The following SHROOM3 variants were observed in gnomAD, a reference collection of about 807,000 sequenced individuals.
The protein encoded by SHROOM3 is protein Shroom3.
SHROOM3 carries 47 observed loss-of-function variants against 138.6 expected under a neutral mutation model. That is an observed-to-expected ratio of 0.34 (90% CI 0.27 to 0.43). SHROOM3 has a LOEUF of 0.43. Among genes scored for constraint, SHROOM3 ranks in the 20% least tolerant of loss-of-function variants. SHROOM3 has a pLI of 1.00. For missense variants in SHROOM3, 2,491 were observed against 2,596.5 expected, an observed-to-expected ratio of 0.96 and a Z score of 0.88; for synonymous variants, 1,062 against 1,063.3, an observed-to-expected ratio of 1.00 and a Z score of 0.02.
In SHROOM3 at chr4:76,634,431, T is replaced by C. The variant is rs1021776650; in HGVS notation, c.324-75725T>C. On this transcript the variant is annotated intron_variant, in intron 2 of 10. Coordinates refer to ENST00000296043, the MANE Select transcript of SHROOM3 (RefSeq NM_020859.4). ...GCCAACAGCATGCAGCATTTTATTA[T>C]GGTGATGCAGCTTTAATTGGTATGT... Among the ~76,000 whole-genome samples the C allele has an allele frequency of 7.2e-5, 11 of 152,316 alleles. 2 individuals are homozygous for C. The South Asian group carries it at 2.1e-3, about 29-fold the overall frequency.
At chr4:76,512,854 G>T (rs1290383854) in intron 1 of SHROOM3, among the ~76,000 whole-genome samples, 1 of 152,132 alleles carries the variant, frequency 6.6e-6, no homozygotes, top group Non-Finnish European at 1.5e-5. Flanking sequence ...GAGGAACTAG[G>T]GTAGAAAATG....
At chr4:76,757,446 T>C (rs1721854527) in intron 8 of SHROOM3, among the ~76,000 whole-genome samples, 1 of 152,146 alleles carries the variant, frequency 6.6e-6, no homozygotes, top group Non-Finnish European at 1.5e-5. Flanking sequence ...TCAGAGCTGC[T>C]CTGGCAGAGA....
chr4:76,512,580 GA>G (rs1164590978), intron 1 of SHROOM3, among the ~76,000 whole-genome samples: 1 of 152,144 alleles, frequency 6.6e-6, no homozygotes, highest in African/African-American at 2.4e-5. Flanking sequence ...GACAAGGAGG[GA>G]AAATGTTTTA....
At chr4:76,493,040 G>A (rs547942235) in intron 1 of SHROOM3, among the ~76,000 whole-genome samples, 1 of 152,142 alleles carries the variant, frequency 6.6e-6, no homozygotes, top group Non-Finnish European at 1.5e-5. Flanking sequence ...GACCAGCATG[G>A]TGAAACCCCA....
At chr4:76,485,754 G>T (rs994083666) in intron 1 of SHROOM3, among the ~76,000 whole-genome samples, 4 of 152,108 alleles carry the variant, frequency 2.6e-5, no homozygotes, top group Non-Finnish European at 5.9e-5. Flanking sequence ...GTGATCAGGG[G>T]CTCTAATTGT....
intron 1 of SHROOM3, among the ~76,000 whole-genome samples, chr4:76,518,047 A>T (rs994627957): frequency 4.6e-5 from 7 of 152,190 alleles, no homozygotes; most frequent in African/African-American, 1.7e-4. Context: ...AAAATGAGAG[A>T]TTTATTTAAG....
intron 2 of SHROOM3, among the ~76,000 whole-genome samples, chr4:76,658,370 A>G (rs1452626275): frequency 1.3e-5 from 2 of 152,226 alleles, no homozygotes; most frequent in African/African-American, 2.4e-5. Context: ...TGAGAGATTG[A>G]GCAATGAGTC....
chr4:76,468,204 C>G (rs1731287482), intron 1 of SHROOM3, among the ~76,000 whole-genome samples: 2 of 152,202 alleles, frequency 1.3e-5, no homozygotes, highest in African/African-American at 4.8e-5. Flanking sequence ...GAAGAGGAAA[C>G]ATTCTACATA....
chr4:76,642,733 C>T (rs1336610487), intron 2 of SHROOM3, among the ~76,000 whole-genome samples: 1 of 151,886 alleles, frequency 6.6e-6, no homozygotes, highest in Non-Finnish European at 1.5e-5. Context: ...GCATGAGGTG[C>T]CAGGAACAAG....
intron 10 of SHROOM3, among the ~76,000 whole-genome samples, chr4:76,773,190 CA>C (rs1486121200): frequency 4.6e-5 from 7 of 152,022 alleles, no homozygotes; most frequent in African/African-American, 9.7e-5. Context: ...GCCTGGCCAA[CA>C]TGGCAAAACC....
chr4:76,594,476 T>C (rs72661431), intron 2 of SHROOM3, among the ~76,000 whole-genome samples: 7,941 of 152,284 alleles, frequency 0.052, 301 homozygotes, highest in Admixed American at 0.11. Context: ...CACAGAGATG[T>C]ATGTAATCGC....
chr4:76,745,692 T>G (rs1721411050), intron 5 of SHROOM3, among the ~76,000 whole-genome samples: 1 of 152,212 alleles, frequency 6.6e-6, no homozygotes, highest in Non-Finnish European at 1.5e-5. Flanking sequence ...AGTATAAAAT[T>G]AGTCTTGGCT....
chr4:76,689,099 AT>A, intron 2 of SHROOM3: 2 of 283,766 alleles, frequency 7.0e-6, no homozygotes, highest in Non-Finnish European at 1.1e-5. Flanking sequence ...ATTCCTCTGC[AT>A]TTTACAACGG....
At chr4:76,494,399 G>A (rs1024085293) in intron 1 of SHROOM3, among the ~76,000 whole-genome samples, 4 of 152,256 alleles carry the variant, frequency 2.6e-5, no homozygotes, top group East Asian at 1.9e-4. Context: ...AACATTGTGC[G>A]CTACTAGTTT....
chr4:76,527,586 A>G (rs562923976), intron 1 of SHROOM3, among the ~76,000 whole-genome samples: 139 of 152,318 alleles, frequency 9.1e-4, no homozygotes, highest in African/African-American at 3.1e-3. Context: ...TTTTTGTTGC[A>G]TGTAACAGAA....
intron 2 of SHROOM3, among the ~76,000 whole-genome samples, chr4:76,598,353 C>T (rs1306231180): frequency 6.6e-6 from 1 of 152,066 alleles, no homozygotes; most frequent in Non-Finnish European, 1.5e-5. Flanking sequence ...AACAGTCATG[C>T]TATGATGAAG....
At chr4:76,510,004 T>A (rs72659728) in intron 1 of SHROOM3, among the ~76,000 whole-genome samples, 18,554 of 152,080 alleles carry the variant, frequency 0.12, 1,366 homozygotes, top group East Asian at 0.23. Context: ...AGTGAGGAAG[T>A]GTTAAAGTGA....
At chr4:76,708,216 A>G (rs948329625) in intron 2 of SHROOM3, among the ~76,000 whole-genome samples, 1 of 152,046 alleles carries the variant, frequency 6.6e-6, no homozygotes, top group African/African-American at 2.4e-5. Context: ...CGATGGAATG[A>G]TTTTATGTTC....
intron 2 of SHROOM3, among the ~76,000 whole-genome samples, chr4:76,655,567 G>A (rs1736047299): frequency 6.6e-6 from 1 of 152,210 alleles, no homozygotes; most frequent in South Asian, 2.1e-4. Flanking sequence ...AAATTCCTGT[G>A]TTCTTTTCTC....
Sources: gnomAD v4.1 joint callset for allele counts (sites outside exome capture counted in the v4.1 genomes callset) on GRCh38, gnomAD v4.1.1 for gene constraint, MANE v1.5 for transcripts, NCBI Gene and HGNC (gene_info 2026-07-23, HGNC 2026-07-21) for gene names.